CSMD3: variants seen among roughly 807,000 people sequenced by gnomAD.
CSMD3 encodes the protein CUB and Sushi multiple domains 3.
A neutral mutation model predicts 435.2 loss-of-function variants in CSMD3; 177 were observed. The observed-to-expected ratio is 0.41, with a 90% confidence interval of 0.36 to 0.46. CSMD3 has a LOEUF of 0.46. Ranked by LOEUF, CSMD3 falls within the 20% of genes least tolerant of loss-of-function variation. The pLI, the probability that CSMD3 is intolerant of heterozygous loss-of-function variation, is 0.34. For missense variants in CSMD3, 4,265 were observed against 4,504.6 expected, an observed-to-expected ratio of 0.95 and a Z score of 1.52; for synonymous variants, 1,656 against 1,520.5, an observed-to-expected ratio of 1.09 and a Z score of -2.07.
chr8:112,468,552 T>G (rs1818204721), intron 32 of CSMD3, among the ~76,000 whole-genome samples: 1 of 152,050 alleles, frequency 6.6e-6, no homozygotes, highest in Non-Finnish European at 1.5e-5. Context: ...AACAAAAAAT[T>G]TTCCCTCTGA....
At chr8:113,055,276 A>C (rs1276327055) in intron 5 of CSMD3, among the ~76,000 whole-genome samples, 1 of 152,124 alleles carries the variant, frequency 6.6e-6, no homozygotes, top group Non-Finnish European at 1.5e-5. Flanking sequence ...CAGCCTCCTG[A>C]GTAGCTGGGA....
chr8:112,259,143 C>T (rs1029547306), intron 61 of CSMD3, among the ~76,000 whole-genome samples: 6 of 152,028 alleles, frequency 3.9e-5, no homozygotes, highest in African/African-American at 4.8e-5. Flanking sequence ...CACAGGCAGA[C>T]GGATGTGAAT....
At chr8:112,580,423 C>G (rs1040735544) in intron 23 of CSMD3, among the ~76,000 whole-genome samples, 2 of 151,668 alleles carry the variant, frequency 1.3e-5, no homozygotes, top group Non-Finnish European at 2.9e-5. Flanking sequence ...TGCATCTTAC[C>G]CTTTTTGTAG....
At chr8:113,270,472 T>C (rs986221016) in intron 3 of CSMD3, among the ~76,000 whole-genome samples, 36 of 152,172 alleles carry the variant, frequency 2.4e-4, no homozygotes, top group Admixed American at 2.0e-3. Context: ...ATCGCATTAC[T>C]GGGTATATAC....
At chr8:113,135,866 G>A (rs918392622) in intron 4 of CSMD3, among the ~76,000 whole-genome samples, 2 of 151,476 alleles carry the variant, frequency 1.3e-5, no homozygotes, top group East Asian at 1.9e-4. Flanking sequence ...CTTAAAATAC[G>A]GGTAACTTCA....
intron 3 of CSMD3, among the ~76,000 whole-genome samples, chr8:113,272,319 T>A (rs1318385298): frequency 2.6e-5 from 4 of 152,260 alleles, no homozygotes; most frequent in Non-Finnish European, 4.4e-5. Context: ...TTCACCCAAA[T>A]CTCACCTTGA....
At chr8:112,906,464 A>G (rs1282203241) in intron 10 of CSMD3, among the ~76,000 whole-genome samples, 1 of 151,376 alleles carries the variant, frequency 6.6e-6, no homozygotes, top group Non-Finnish European at 1.5e-5. Context: ...GCAACCAACC[A>G]ACCAAAAAAA....
intron 10 of CSMD3, among the ~76,000 whole-genome samples, chr8:112,882,577 C>A (rs2081479159): frequency 6.6e-6 from 1 of 151,994 alleles, no homozygotes; most frequent in African/African-American, 2.4e-5. Context: ...ATCTCAAGAT[C>A]CCCTTTGGAA....
At chr8:112,719,640 C>T (rs1208410721) in intron 13 of CSMD3, among the ~76,000 whole-genome samples, 1 of 152,062 alleles carries the variant, frequency 6.6e-6, no homozygotes, top group African/African-American at 2.4e-5. Flanking sequence ...TCTCCAAATA[C>T]TATCATATTG....
chr8:113,248,435 G>A (rs2132282688), intron 3 of CSMD3, among the ~76,000 whole-genome samples: 1 of 110,216 alleles, frequency 9.1e-6, no homozygotes, highest in South Asian at 3.4e-4. Context: ...TATACATTTG[G>A]AGGAAATAAT....
Position 112,993,280 on chromosome 8 carries a change from A to C in CSMD3, c.1031-17132T>G, listed in dbSNP as rs76400682. 6.6e-3 allele frequency among the ~76,000 whole-genome samples: 1,008 copies of C among 151,954 alleles called. 12 individuals carry two copies. Among genetic ancestry groups the C allele is most frequent in the African/African-American group, 0.023 (968 of 41,530 alleles). ...GGGAAAGGCCAGTGTAATTGGCACA[A>C]ATATGACTGTGAATAATGCTTTTCT... On this transcript the variant is annotated intron_variant, in intron 6 of 70. Transcript: ENST00000297405.
chr8:112,635,578 C>T (rs1411415397), intron 22 of CSMD3, among the ~76,000 whole-genome samples: 1 of 151,936 alleles, frequency 6.6e-6, no homozygotes, highest in African/African-American at 2.4e-5. Context: ...TTACTTATCA[C>T]CTCCCAACTT....
At chr8:113,363,514 T>G (rs1180354590) in intron 1 of CSMD3, among the ~76,000 whole-genome samples, 1 of 152,156 alleles carries the variant, frequency 6.6e-6, no homozygotes, top group East Asian at 1.9e-4. Context: ...AGGATGTATT[T>G]CAGAAGGGCC....
chr8:113,137,760 T>C (rs892986356), intron 4 of CSMD3, among the ~76,000 whole-genome samples: 1 of 151,470 alleles, frequency 6.6e-6, no homozygotes, highest in African/African-American at 2.4e-5. Context: ...CTCAATTACC[T>C]CTCAAAGACC....
chr8:112,263,384 T>C (rs1359608114), intron 61 of CSMD3, among the ~76,000 whole-genome samples: 1 of 152,096 alleles, frequency 6.6e-6, no homozygotes, highest in Non-Finnish European at 1.5e-5. Context: ...GTAGAATAAA[T>C]TTAAGGCTGT....
intron 22 of CSMD3, among the ~76,000 whole-genome samples, chr8:112,592,207 G>C (rs1831251486): frequency 6.6e-6 from 1 of 151,756 alleles, no homozygotes; most frequent in Non-Finnish European, 1.5e-5. Context: ...AATAATACTT[G>C]GATTTTCAGA....
chr8:112,254,346 G>C lies in CSMD3; in HGVS notation c.10037-20C>G, dbSNP rs1272145392. 6.4e-7 allele frequency: 1 copy of C among 1,550,524 alleles called. No homozygotes were observed. Among genetic ancestry groups the C allele is most frequent in the Non-Finnish European group, 8.9e-7 (1 of 1,122,296 alleles). On this transcript the variant is annotated intron_variant, in intron 62 of 70. Coordinates refer to ENST00000297405, the MANE Select transcript of CSMD3 (RefSeq NM_198123.2). ...TAGGCTCTAAAATGAAGATTAAAAA[G>C]ATATTAGTCCTTTAAAATTTACAAT...
At chr8:112,297,896 G>A (rs1820473350) in intron 53 of CSMD3, among the ~76,000 whole-genome samples, 1 of 151,874 alleles carries the variant, frequency 6.6e-6, no homozygotes, top group African/African-American at 2.4e-5. Flanking sequence ...TAAAGCAGGA[G>A]GATCTTTTGA....
intron 35 of CSMD3, among the ~76,000 whole-genome samples, chr8:112,395,740 TCA>T (rs1195010533): frequency 6.6e-6 from 1 of 152,110 alleles, no homozygotes; most frequent in Non-Finnish European, 1.5e-5. Context: ...GTTATTTGAA[TCA>T]CAGAGTCTAA....
Sources: allele counts gnomAD v4.1 joint callset (sites outside exome capture counted in the v4.1 genomes callset), GRCh38; gene constraint gnomAD v4.1.1; transcripts MANE v1.5; gene names NCBI Gene and HGNC (gene_info 2026-07-23, HGNC 2026-07-21).